MDFIC2: variants seen among roughly 807,000 people sequenced by gnomAD.
MDFIC2 encodes myoD family inhibitor domain-containing protein 2.
intron 2 of MDFIC2, among the ~76,000 whole-genome samples, chr3:70,239,382 C>T (rs1388907352): frequency 2.6e-5 from 4 of 152,186 alleles, no homozygotes; most frequent in East Asian, 3.8e-4. Context: ...GTTCTCAACG[C>T]TTCTCCACCA....
chr3:70,244,356 TA>T (rs1364538139), intron 2 of MDFIC2, among the ~76,000 whole-genome samples: 1 of 152,236 alleles, frequency 6.6e-6, no homozygotes, highest in Non-Finnish European at 1.5e-5. Flanking sequence ...TTGAGTGAGT[TA>T]CATCTATTAT....
At chr3:70,268,281 G>C (rs1701940844) in intron 2 of MDFIC2, among the ~76,000 whole-genome samples, 2 of 151,982 alleles carry the variant, frequency 1.3e-5, no homozygotes, top group Non-Finnish European at 2.9e-5. Flanking sequence ...GACCAGCCTG[G>C]ACAGCACGGA....
intron 2 of MDFIC2, among the ~76,000 whole-genome samples, chr3:70,226,093 A>T (rs1413135763): frequency 6.6e-6 from 1 of 152,224 alleles, no homozygotes; most frequent in Non-Finnish European, 1.5e-5. Flanking sequence ...ACAGTGGATC[A>T]CATCCCTCAG....
At chr3:70,299,579 G>A (rs1468267451) in intron 2 of MDFIC2, among the ~76,000 whole-genome samples, 5 of 152,094 alleles carry the variant, frequency 3.3e-5, no homozygotes, top group African/African-American at 1.2e-4. Context: ...AGGCTCGTTG[G>A]AGTCAGCGTT....
chr3:70,256,109 TAAC>T (rs1051286196), intron 2 of MDFIC2, among the ~76,000 whole-genome samples: 2 of 152,216 alleles, frequency 1.3e-5, no homozygotes, highest in African/African-American at 4.8e-5. Context: ...GAGCAAGAAC[TAAC>T]AAGGTCAAAT....
chr3:70,257,034 A>G (rs933325661), intron 2 of MDFIC2, among the ~76,000 whole-genome samples: 2 of 152,214 alleles, frequency 1.3e-5, no homozygotes, highest in Non-Finnish European at 2.9e-5. Context: ...ATAATAATTC[A>G]GAGATCTGAT....
intron 2 of MDFIC2, among the ~76,000 whole-genome samples, chr3:70,208,772 TAC>T (rs1701313922): frequency 6.6e-6 from 1 of 152,114 alleles, no homozygotes; most frequent in Admixed American, 6.6e-5. Flanking sequence ...AGTCTGGTAA[TAC>T]ACAACTGTCT....
chr3:70,203,683 T>C (rs552165658), intron 3 of MDFIC2, among the ~76,000 whole-genome samples: 1 of 152,258 alleles, frequency 6.6e-6, no homozygotes, highest in African/African-American at 2.4e-5. Flanking sequence ...TATTCAGTAG[T>C]CCATGGTGTA....
intron 2 of MDFIC2, among the ~76,000 whole-genome samples, chr3:70,311,001 T>A (rs1339710082): frequency 6.6e-6 from 1 of 152,224 alleles, no homozygotes; most frequent in Non-Finnish European, 1.5e-5. Context: ...AGGGTTGTCA[T>A]GATGATTCAG....
At position 70,298,430 on chromosome 3, in the gene MDFIC2, G is replaced by A. The variant is rs183898404; in HGVS notation, c.88+13456C>T. Among the ~76,000 whole-genome samples, 4 of 152,160 alleles carry A rather than the reference G, an allele frequency of 2.6e-5. No individual in the cohort carries two copies. In the East Asian group the frequency reaches 7.7e-4, roughly 29 times the overall value. The stretch of plus-strand genomic sequence containing the variant: ...AATGATTAATCCTTATAATTTGTTT[G>A]TGTCTTAAATTACTGGATATTATGG... On this transcript the variant is annotated intron_variant, in intron 2 of 3. Transcript: ENST00000567252.
At chr3:70,286,261 T>C (rs1288222581) in intron 2 of MDFIC2, among the ~76,000 whole-genome samples, 4 of 152,220 alleles carry the variant, frequency 2.6e-5, no homozygotes, top group African/African-American at 9.7e-5. Context: ...GGATCCAGTT[T>C]CAGCTTTCTA....
At chr3:70,203,831 T>C (rs1701266120) in intron 3 of MDFIC2, among the ~76,000 whole-genome samples, 1 of 152,132 alleles carries the variant, frequency 6.6e-6, no homozygotes, top group Admixed American at 6.5e-5. Flanking sequence ...TCTAATATCA[T>C]GTATATTTCT....
intron 2 of MDFIC2, among the ~76,000 whole-genome samples, chr3:70,302,289 C>A (rs532980589): frequency 3.7e-4 from 56 of 152,104 alleles, no homozygotes; most frequent in African/African-American, 1.2e-3. Flanking sequence ...GTCTGGTGAA[C>A]ACCTAGTGTA....
intron 2 of MDFIC2, among the ~76,000 whole-genome samples, chr3:70,250,237 G>C (rs1318861609): frequency 6.6e-6 from 1 of 152,052 alleles, no homozygotes; most frequent in Non-Finnish European, 1.5e-5. Context: ...TTCTCATCTT[G>C]TGCTGCTGAA....
chr3:70,288,911 G>T lies in MDFIC2; in HGVS notation c.88+22975C>A, dbSNP rs549226225. Among the ~76,000 whole-genome samples, 23 of 151,674 alleles carry T rather than the reference G, an allele frequency of 1.5e-4. 1 individual carries two copies. The East Asian group carries it at 4.3e-3, about 28-fold the overall frequency. On this transcript the variant is annotated intron_variant, in intron 2 of 3. Transcript: ENST00000567252. ...GCCTTTTTTTGTTTTCCATTTGCTT[G>T]GTAGATCTTCCTCCATCCTTTTATT...
At chr3:70,270,136 T>C (rs1352975400) in intron 2 of MDFIC2, among the ~76,000 whole-genome samples, 1 of 152,148 alleles carries the variant, frequency 6.6e-6, no homozygotes, top group East Asian at 1.9e-4. Flanking sequence ...ACATTTGAAA[T>C]GTTTGATTAT....
At chr3:70,289,347 G>A (rs1251362531) in intron 2 of MDFIC2, among the ~76,000 whole-genome samples, 2 of 150,870 alleles carry the variant, frequency 1.3e-5, no homozygotes, top group African/African-American at 2.4e-5. Flanking sequence ...ATGAAATTCT[G>A]GGTTGAAAAT....
At chr3:70,235,433 C>T (rs1701598032) in intron 2 of MDFIC2, among the ~76,000 whole-genome samples, 1 of 152,156 alleles carries the variant, frequency 6.6e-6, no homozygotes. Flanking sequence ...TTAAACTGAC[C>T]TTTCAAAGCT....
chr3:70,226,290 T>G (rs932612727), intron 2 of MDFIC2, among the ~76,000 whole-genome samples: 11 of 152,178 alleles, frequency 7.2e-5, no homozygotes, highest in African/African-American at 2.7e-4. Context: ...CTTCAATGTG[T>G]GAGAGGCACT....
Sources: gnomAD v4.1 joint callset for allele counts (sites outside exome capture counted in the v4.1 genomes callset) on GRCh38, gnomAD v4.1.1 for gene constraint, MANE v1.5 for transcripts, NCBI Gene and HGNC (gene_info 2026-07-23, HGNC 2026-07-21) for gene names.